DTNA: variants seen among roughly 807,000 people sequenced by gnomAD.
The protein encoded by DTNA is dystrobrevin alpha.
In DTNA, 43 loss-of-function variants were observed where a neutral mutation model predicts 100.7. That is an observed-to-expected ratio of 0.43 (90% CI 0.33 to 0.55). DTNA has a LOEUF of 0.55. Among genes scored for constraint, DTNA ranks in the 20% least tolerant of loss-of-function variants. DTNA has a pLI of 0.04. For synonymous variants in DTNA, 349 were observed against 347.9 expected, an observed-to-expected ratio of 1.00 and a Z score of -0.04; for missense variants, 798 against 953.9, an observed-to-expected ratio of 0.84 and a Z score of 2.15.
chr18:34,809,801 T>C (rs1196937489), intron 5 of DTNA, among the ~76,000 whole-genome samples: 1 of 152,174 alleles, frequency 6.6e-6, no homozygotes, highest in African/African-American at 2.4e-5. Context: ...TTCTTAACGC[T>C]TTAAAATGCA....
At chr18:34,722,175 ATTAGG>A (rs1339799337) in intron 1 of DTNA, among the ~76,000 whole-genome samples, 1 of 152,130 alleles carries the variant, frequency 6.6e-6, no homozygotes, top group Non-Finnish European at 1.5e-5. Flanking sequence ...GATTCTTTTG[ATTAGG>A]TTAAGGTTAG....
chr18:34,839,113 C>T (rs774098999), intron 13 of DTNA, among the ~76,000 whole-genome samples: 19 of 152,120 alleles, frequency 1.2e-4, no homozygotes, highest in Admixed American at 6.6e-5. Context: ...TTCAGGACTC[C>T]GGGTCCCACC....
At chr18:34,556,752 A>T (rs1447964315) in intron 1 of DTNA, among the ~76,000 whole-genome samples, 1 of 151,932 alleles carries the variant, frequency 6.6e-6, no homozygotes, top group African/African-American at 2.4e-5. Flanking sequence ...TGTTAGTCTG[A>T]TGGGCTTCCC....
At chr18:34,614,428 T>C (rs1251121025) in intron 1 of DTNA, among the ~76,000 whole-genome samples, 5 of 152,130 alleles carry the variant, frequency 3.3e-5, no homozygotes, top group Admixed American at 2.0e-4. Flanking sequence ...GTAGCTGCAA[T>C]AGACAATGAT....
intron 1 of DTNA, among the ~76,000 whole-genome samples, chr18:34,744,148 CATAAA>C (rs2147847004): frequency 6.6e-6 from 1 of 152,266 alleles, no homozygotes; most frequent in African/African-American, 2.4e-5. Flanking sequence ...TTATTAATGA[CATAAA>C]ATAAACTTCC....
chr18:34,698,791 C>T (rs534744942), intron 1 of DTNA, among the ~76,000 whole-genome samples: 1 of 152,124 alleles, frequency 6.6e-6, no homozygotes, highest in African/African-American at 2.4e-5. Flanking sequence ...GTTCTTTTGC[C>T]TGCTTTTATT....
intron 1 of DTNA, among the ~76,000 whole-genome samples, chr18:34,502,721 A>G (rs1314796021): frequency 6.6e-6 from 1 of 152,232 alleles, no homozygotes; most frequent in Non-Finnish European, 1.5e-5. Context: ...TTCAGAGAAC[A>G]CATGCTGTAT....
intron 1 of DTNA, among the ~76,000 whole-genome samples, chr18:34,612,653 C>G (rs976152755): frequency 4.6e-5 from 7 of 152,132 alleles, no homozygotes; most frequent in African/African-American, 1.7e-4. Context: ...AAGCAATAAA[C>G]AAAGAAAGAT....
chr18:34,510,069 T>TTGTG (rs35805954), intron 1 of DTNA, among the ~76,000 whole-genome samples: 4,999 of 144,956 alleles, frequency 0.034, 189 homozygotes, highest in African/African-American at 0.088. Context: ...GAGTGTAATT[T>TTGTG]TGTGTGTGTG....
chr18:34,523,736 T>C (rs116190408), intron 1 of DTNA, among the ~76,000 whole-genome samples: 1,555 of 152,304 alleles, frequency 0.01, 38 homozygotes, highest in African/African-American at 0.036. Context: ...GAGCTCAAAC[T>C]TCAAGATCAT....
intron 6 of DTNA, among the ~76,000 whole-genome samples, chr18:34,814,772 A>G (rs577329485): frequency 5.5e-4 from 84 of 152,300 alleles, no homozygotes; most frequent in Non-Finnish European, 9.8e-4. Context: ...ATTCCTTTTG[A>G]AATATCCTAT....
intron 3 of DTNA, among the ~76,000 whole-genome samples, chr18:34,781,458 C>T (rs937843763): frequency 6.6e-6 from 1 of 152,116 alleles, no homozygotes. Context: ...AGTCACCATG[C>T]TGTGCAATAG....
At chr18:34,706,119 T>G (rs1450577214), upstream of DTNA, among the ~76,000 whole-genome samples, 1 of 152,158 alleles carries the variant, frequency 6.6e-6, no homozygotes, top group East Asian at 1.9e-4. Flanking sequence ...CAGCTAATTT[T>G]GTATTTTTAG....
chr18:34,560,401 A>G (rs1316878935), intron 1 of DTNA, among the ~76,000 whole-genome samples: 1 of 152,226 alleles, frequency 6.6e-6, no homozygotes, highest in African/African-American at 2.4e-5. Context: ...GAAAGTTACA[A>G]ATTCTAAGGT....
At chr18:34,866,476 A>G (rs2096705647) in intron 17 of DTNA, 2 of 1,210,216 alleles carry the variant, frequency 1.7e-6, no homozygotes, top group Non-Finnish European at 1.0e-6. Context: ...CTTAACAGAG[A>G]GATACCACAG....
At chr18:34,748,378 G>A (rs2091916641) in intron 1 of DTNA, among the ~76,000 whole-genome samples, 1 of 151,922 alleles carries the variant, frequency 6.6e-6, no homozygotes, top group Non-Finnish European at 1.5e-5. Flanking sequence ...TAAATTATTT[G>A]CCTAGGTTAA....
chr18:34,705,749 A>G (rs1328134994), upstream of DTNA, among the ~76,000 whole-genome samples: 26 of 152,314 alleles, frequency 1.7e-4, no homozygotes, highest in East Asian at 1.9e-4. Context: ...ATTTATATAC[A>G]AAGATATATT....
At chr18:34,876,180 CT>C (rs148732683) in intron 18 of DTNA, among the ~76,000 whole-genome samples, 2 of 152,102 alleles carry the variant, frequency 1.3e-5, no homozygotes, top group African/African-American at 4.8e-5. Flanking sequence ...GACACATACT[CT>C]TTTTTTCACA....
chr18:34,559,353 A>T (rs1341785939), intron 1 of DTNA, among the ~76,000 whole-genome samples: 1 of 152,346 alleles, frequency 6.6e-6, no homozygotes, highest in East Asian at 1.9e-4. Flanking sequence ...GTGGGGGGAA[A>T]AATGAATAGA....
Sources: gnomAD v4.1 joint callset for allele counts (sites outside exome capture counted in the v4.1 genomes callset) on GRCh38, gnomAD v4.1.1 for gene constraint, MANE v1.5 for transcripts, NCBI Gene and HGNC (gene_info 2026-07-23, HGNC 2026-07-21) for gene names.